The following VPS13B variants were observed in gnomAD, a reference collection of about 807,000 sequenced individuals.
VPS13B encodes the protein vacuolar protein sorting 13 homolog B.
VPS13B carries 285 observed loss-of-function variants against 426.4 expected under a neutral mutation model. That is an observed-to-expected ratio of 0.67 (90% CI 0.61 to 0.74). The LOEUF (loss-of-function observed/expected upper bound fraction) is 0.74. Among genes scored for constraint, VPS13B ranks in the 30% least tolerant of loss-of-function variants. The pLI, the probability that VPS13B is intolerant of heterozygous loss-of-function variation, is 0.00. For missense variants in VPS13B, 4,537 were observed against 4,782.6 expected, an observed-to-expected ratio of 0.95 and a Z score of 1.51; for synonymous variants, 1,676 against 1,676.4, an observed-to-expected ratio of 1.00 and a Z score of 0.01.
chr8:99,782,450 T>G (rs1312472596), intron 42 of VPS13B, among the ~76,000 whole-genome samples: 1 of 151,960 alleles, frequency 6.6e-6, no homozygotes, highest in African/African-American at 2.4e-5. Flanking sequence ...TATAGAATCT[T>G]ATGTAAGCGT....
intron 19 of VPS13B, among the ~76,000 whole-genome samples, chr8:99,328,556 G>T (rs1384356463): frequency 1.3e-5 from 2 of 152,048 alleles, no homozygotes; most frequent in Admixed American, 6.6e-5. Context: ...GTGTCTTGTA[G>T]GAGAAGATAG....
chr8:99,379,279 A>G (rs1194039375), intron 19 of VPS13B, among the ~76,000 whole-genome samples: 5 of 152,184 alleles, frequency 3.3e-5, no homozygotes, highest in African/African-American at 1.2e-4. Flanking sequence ...GGTCTTCACA[A>G]GAAAGTCTAA....
Position 99,384,236 on chromosome 8 carries a change from A to C in VPS13B, c.2853A>C (p.Gly951=), listed in dbSNP as rs374898875. ...SGAVLLCSIQ[G]LAVNIDPILY... ...CTGTACTTCTTTGCAGTATACAAGG[A>C]CTAGCAGTTAATATTGACCCAATCT... Residue 951 remains glycine, a synonymous_variant, in exon 20 of 62, where the codon GGA becomes GGC. Transcript: ENST00000357162. 11 of 1,613,892 alleles carry C rather than the reference A, an allele frequency of 6.8e-6. No homozygotes were observed. Among genetic ancestry groups the C allele is most frequent in the Non-Finnish European group, 9.3e-6 (11 of 1,179,950 alleles).
chr8:99,379,913 T>A (rs1813700688), intron 19 of VPS13B, among the ~76,000 whole-genome samples: 1 of 152,174 alleles, frequency 6.6e-6, no homozygotes, highest in Non-Finnish European at 1.5e-5. Context: ...AGAAAGATCT[T>A]TTAACCCTTG....
rs370301807 is a variant in VPS13B at position 99,057,952 on chromosome 8, C to T, written c.291+19386C>T. 1.8e-4 allele frequency among the ~76,000 whole-genome samples: 28 copies of T among 152,250 alleles called. No individual in the cohort carries two copies. The East Asian group carries it at 4.4e-3, about 24-fold the overall frequency. Reference sequence around the variant, plus strand: ...TATTCTTAAATGTGGGTCATTTCCTCAAAACTTCTTTTCTAGTTCAGTGAT... The same window carrying T: ...TATTCTTAAATGTGGGTCATTTCCTTAAAACTTCTTTTCTAGTTCAGTGAT... On this transcript the variant is annotated intron_variant, in intron 3 of 61. Coordinates refer to ENST00000357162, the MANE Select transcript of VPS13B (RefSeq NM_152564.5).
At chr8:99,855,321 A>C (rs1816492242) in intron 56 of VPS13B, among the ~76,000 whole-genome samples, 1 of 152,172 alleles carries the variant, frequency 6.6e-6, no homozygotes, top group South Asian at 2.1e-4. Context: ...CTTTGAGGCT[A>C]CAGTGAGCTA....
chr8:99,837,570 T>G (rs1275342366), intron 54 of VPS13B, among the ~76,000 whole-genome samples: 1 of 152,158 alleles, frequency 6.6e-6, no homozygotes, highest in East Asian at 1.9e-4. Flanking sequence ...CAGGGATACT[T>G]CAAAGCTAAG....
intron 33 of VPS13B, among the ~76,000 whole-genome samples, chr8:99,631,061 T>C (rs1828824981): frequency 6.6e-6 from 1 of 152,146 alleles, no homozygotes; most frequent in African/African-American, 2.4e-5. Context: ...ATATGTTGTT[T>C]ATGATGTTGA....
At chr8:99,274,142 A>T in intron 17 of VPS13B, 56 bp from the exon 18 acceptor site, 19 of 1,608,152 alleles carry the variant, frequency 1.2e-5, no homozygotes, top group Non-Finnish European at 1.5e-5. Context: ...TGGTGAAGGA[A>T]TATAAAAATT....
At chr8:99,499,357 A>G (rs1821104628) in intron 25 of VPS13B, among the ~76,000 whole-genome samples, 2 of 152,176 alleles carry the variant, frequency 1.3e-5, no homozygotes, top group South Asian at 2.1e-4. Flanking sequence ...TTGCAGCCAC[A>G]GTTTTCTTAG....
intron 30 of VPS13B, among the ~76,000 whole-genome samples, chr8:99,537,879 C>T (rs773908371): frequency 1.6e-4 from 24 of 152,246 alleles, no homozygotes; most frequent in Admixed American, 3.9e-4. Flanking sequence ...ATTAACTATA[C>T]CTAGCAGCAT....
intron 19 of VPS13B, among the ~76,000 whole-genome samples, chr8:99,322,284 A>G (rs1268897229): frequency 6.6e-6 from 1 of 152,210 alleles, no homozygotes; most frequent in Non-Finnish European, 1.5e-5. Flanking sequence ...CTCTATGAAA[A>G]TGTATTCAGT....
chr8:99,109,911 ATTGTT>A (rs1398885107), intron 5 of VPS13B, among the ~76,000 whole-genome samples: 1 of 152,104 alleles, frequency 6.6e-6, no homozygotes, highest in Non-Finnish European at 1.5e-5. Flanking sequence ...GAAAATGATA[ATTGTT>A]ATCATAAAGA....
At chr8:99,621,800 G>C (rs1264426809) in intron 33 of VPS13B, among the ~76,000 whole-genome samples, 2 of 114,970 alleles carry the variant, frequency 1.7e-5, no homozygotes, top group Non-Finnish European at 3.9e-5. Flanking sequence ...TTTTTTGTTT[G>C]TTTGTTTTTT....
At chr8:99,248,589 C>A (rs1017351497) in intron 17 of VPS13B, among the ~76,000 whole-genome samples, 2 of 152,042 alleles carry the variant, frequency 1.3e-5, no homozygotes, top group Admixed American at 1.3e-4. Flanking sequence ...GATATACAAG[C>A]CCCTATATTT....
chr8:99,134,770 C>A, intron 9 of VPS13B, 43 bp downstream of exon 9: 1 of 1,481,848 alleles, frequency 6.7e-7, no homozygotes, highest in East Asian at 2.3e-5. Context: ...ATATTTTGTT[C>A]TTTAATATTT....
At chr8:99,134,219 T>A (rs771554275) in intron 8 of VPS13B, among the ~76,000 whole-genome samples, 4 of 152,164 alleles carry the variant, frequency 2.6e-5, no homozygotes, top group Non-Finnish European at 5.9e-5. Context: ...ACCACTTTCT[T>A]TTTTATTTCA....
intron 35 of VPS13B, among the ~76,000 whole-genome samples, chr8:99,662,583 A>G (rs553382119): frequency 6.6e-6 from 1 of 152,188 alleles, no homozygotes; most frequent in East Asian, 1.9e-4. Flanking sequence ...AGTAGCTGGG[A>G]CTACAGGTGT....
At chr8:99,630,948 C>T (rs1207890043) in intron 33 of VPS13B, among the ~76,000 whole-genome samples, 1 of 151,654 alleles carries the variant, frequency 6.6e-6, no homozygotes, top group Non-Finnish European at 1.5e-5. Context: ...TTGATGGGGG[C>T]CACAAAAGTT....
Sources: allele counts gnomAD v4.1 joint callset (sites outside exome capture counted in the v4.1 genomes callset), GRCh38; gene constraint gnomAD v4.1.1; transcripts MANE v1.5; gene names NCBI Gene and HGNC (gene_info 2026-07-23, HGNC 2026-07-21).